Variants in SHB observed in about 807,000 individuals in gnomAD.
The protein encoded by SHB is SH2 domain containing adaptor protein B.
A neutral mutation model predicts 52.3 loss-of-function variants in SHB; 20 were observed. That is an observed-to-expected ratio of 0.38 (90% CI 0.27 to 0.56). The LOEUF (loss-of-function observed/expected upper bound fraction) is 0.56, where lower values mean the gene tolerates loss of function less well. Ranked by LOEUF, SHB falls within the 20% of genes least tolerant of loss-of-function variation. The probability of loss-of-function intolerance (pLI) is 0.71; values close to 1 mark genes in which losing one functional copy is unlikely to be tolerated. For synonymous variants in SHB, 397 were observed against 316.5 expected, an observed-to-expected ratio of 1.25 and a Z score of -2.70; for missense variants, 825 against 723.3, an observed-to-expected ratio of 1.14 and a Z score of -1.61.
chr9:37,932,125 T>C (rs973963052), intron 5 of SHB, among the ~76,000 whole-genome samples: 3 of 151,432 alleles, frequency 2.0e-5, no homozygotes, highest in East Asian at 1.9e-4. Flanking sequence ...CTACTAAAAA[T>C]ACAAAAATTA....
chr9:38,060,820 T>G (rs1821882505), intron 1 of SHB, among the ~76,000 whole-genome samples: 1 of 152,164 alleles, frequency 6.6e-6, no homozygotes, highest in African/African-American at 2.4e-5. Context: ...ACCACTTTAT[T>G]TACAGATAAA....
chr9:37,980,300 T>C (rs1050960627), intron 2 of SHB, among the ~76,000 whole-genome samples: 2 of 152,236 alleles, frequency 1.3e-5, no homozygotes, highest in African/African-American at 4.8e-5. Context: ...CTATTCTAAA[T>C]CCTATGTTGT....
rs1435193634 is a variant in SHB, at chr9:37,917,157, G to A, written c.*2664C>T. ...AGATGTCCAAGAAAACATGAATACAGGCTGACACAGGAAACGGTCACAATT... is the reference window on the plus strand; with the variant it reads ...AGATGTCCAAGAAAACATGAATACAAGCTGACACAGGAAACGGTCACAATT... On this transcript the variant is annotated 3_prime_UTR_variant, in exon 6 of 6. Transcript: ENST00000377707. Among the ~76,000 whole-genome samples, 2 of 152,144 alleles carry A rather than the reference G, an allele frequency of 1.3e-5. No homozygotes were observed. Among genetic ancestry groups the A allele is most frequent in the Non-Finnish European group, 2.9e-5 (2 of 68,018 alleles).
At chr9:38,009,629 T>C (rs575862432) in intron 2 of SHB, among the ~76,000 whole-genome samples, 215 of 152,316 alleles carry the variant, frequency 1.4e-3, no homozygotes, top group Non-Finnish European at 2.6e-3. Flanking sequence ...AACCCCATGA[T>C]TCTCCCAGAG....
At chr9:38,012,118 G>A (rs1821148751) in intron 2 of SHB, among the ~76,000 whole-genome samples, 2 of 152,248 alleles carry the variant, frequency 1.3e-5, no homozygotes, top group East Asian at 1.9e-4. Context: ...CATCCTAGCT[G>A]TAGTCCACAG....
At chr9:38,051,791 G>A (rs1821754179) in intron 1 of SHB, among the ~76,000 whole-genome samples, 1 of 152,188 alleles carries the variant, frequency 6.6e-6, no homozygotes, top group African/African-American at 2.4e-5. Context: ...CGGTCAGAGT[G>A]GCCCTCTGAT....
intron 4 of SHB, among the ~76,000 whole-genome samples, chr9:37,950,128 G>C (rs1587207296): frequency 6.6e-6 from 1 of 152,176 alleles, no homozygotes; most frequent in Admixed American, 6.5e-5. Flanking sequence ...TCTAGAGACA[G>C]GGTCTTAATA....
intron 5 of SHB, among the ~76,000 whole-genome samples, chr9:37,933,001 A>T (rs1832331384): frequency 6.6e-6 from 1 of 152,240 alleles, no homozygotes; most frequent in Non-Finnish European, 1.5e-5. Context: ...TTTGAAAAGA[A>T]GAAAAAAAAT....
chr9:38,057,244 T>C (rs1821833238), intron 1 of SHB, among the ~76,000 whole-genome samples: 1 of 152,242 alleles, frequency 6.6e-6, no homozygotes, highest in Non-Finnish European at 1.5e-5. Context: ...TGTAGACATC[T>C]TTCCATGTCT....
chr9:38,023,123 G>A (rs755468725), intron 1 of SHB, among the ~76,000 whole-genome samples: 5 of 152,316 alleles, frequency 3.3e-5, no homozygotes, highest in South Asian at 2.1e-4. Context: ...AAGGCTGACC[G>A]GTGGCAGCTG....
intron 3 of SHB, among the ~76,000 whole-genome samples, chr9:37,957,701 T>TA (rs1832651488): frequency 6.6e-6 from 1 of 152,188 alleles, no homozygotes; most frequent in Non-Finnish European, 1.5e-5. Context: ...CAGACAGAGA[T>TA]ACCTGCCTTA....
At chr9:37,970,413 C>T (rs1230870784) in intron 3 of SHB, among the ~76,000 whole-genome samples, 4 of 152,204 alleles carry the variant, frequency 2.6e-5, no homozygotes, top group African/African-American at 7.2e-5. Context: ...GAGCCTTCCG[C>T]GGTGGCAGCC....
intron 5 of SHB, among the ~76,000 whole-genome samples, chr9:37,932,039 T>C (rs1832317033): frequency 6.6e-6 from 1 of 152,100 alleles, no homozygotes; most frequent in Admixed American, 6.5e-5. Context: ...CCCAGCACTT[T>C]GGGAGGCCAA....
At chr9:37,990,732 C>A (rs573791414) in intron 2 of SHB, among the ~76,000 whole-genome samples, 2 of 152,202 alleles carry the variant, frequency 1.3e-5, no homozygotes, top group Non-Finnish European at 2.9e-5. Context: ...ATGAAGGGAG[C>A]CCAGAATGAA....
At chr9:38,047,731 T>C (rs1235156990) in intron 1 of SHB, among the ~76,000 whole-genome samples, 1 of 152,236 alleles carries the variant, frequency 6.6e-6, no homozygotes, top group Non-Finnish European at 1.5e-5. Context: ...ATAGCGCCAG[T>C]AAATCCCTCC....
intron 5 of SHB, among the ~76,000 whole-genome samples, chr9:37,934,398 A>T (rs1388893085): frequency 6.6e-6 from 1 of 152,188 alleles, no homozygotes; most frequent in Non-Finnish European, 1.5e-5. Flanking sequence ...CCTGGGCTTA[A>T]GTGATCCTCC....
At chr9:38,058,172 G>T (rs189575620) in intron 1 of SHB, among the ~76,000 whole-genome samples, 1 of 152,290 alleles carries the variant, frequency 6.6e-6, no homozygotes, top group Admixed American at 6.5e-5. Context: ...CTCTGTCTTG[G>T]ATGCCCCATC....
chr9:37,996,512 A>T (rs1271473259), intron 2 of SHB, among the ~76,000 whole-genome samples: 1 of 152,238 alleles, frequency 6.6e-6, no homozygotes, highest in East Asian at 1.9e-4. Context: ...CTTTAAAAAA[A>T]TTTGGTAATT....
intron 5 of SHB, among the ~76,000 whole-genome samples, chr9:37,941,566 C>G (rs1188376787): frequency 6.6e-6 from 1 of 152,200 alleles, no homozygotes; most frequent in African/African-American, 2.4e-5. Flanking sequence ...CACTGCTGAG[C>G]AGTGTGGGGG....
Sources: allele counts gnomAD v4.1 joint callset (sites outside exome capture counted in the v4.1 genomes callset), GRCh38; gene constraint gnomAD v4.1.1; transcripts MANE v1.5; gene names NCBI Gene and HGNC (gene_info 2026-07-23, HGNC 2026-07-21).